TMEM163: variants seen among roughly 807,000 people sequenced by gnomAD.
TMEM163 encodes transmembrane protein 163.
Under a neutral mutation model 29.3 loss-of-function variants are expected in TMEM163, and 17 were observed. The ratio of observed to expected loss-of-function variants is 0.58; its 90% CI spans 0.40 to 0.87. The LOEUF (loss-of-function observed/expected upper bound fraction) is 0.87, where lower values mean the gene tolerates loss of function less well. Ranked by LOEUF, TMEM163 falls within the 40% of genes least tolerant of loss-of-function variation. The probability of loss-of-function intolerance (pLI) is 0.00; values close to 1 mark genes in which losing one functional copy is unlikely to be tolerated. For missense variants in TMEM163, 303 were observed against 381.5 expected (o/e 0.79, Z 1.71); for synonymous variants, 157 against 160.6 (o/e 0.98, Z 0.17).
chr2:134,643,343 A>C (rs1016392570), intron 2 of TMEM163, among the ~76,000 whole-genome samples: 3 of 152,140 alleles, frequency 2.0e-5, no homozygotes, highest in East Asian at 3.9e-4. Context: ...CATAATTTAC[A>C]ATCCTTCTCT....
chr2:134,656,358 T>G (rs1235966380), intron 2 of TMEM163, among the ~76,000 whole-genome samples: 1 of 151,882 alleles, frequency 6.6e-6, no homozygotes, highest in Admixed American at 6.6e-5. Context: ...GGGAACTCCC[T>G]GACCCCTCGC....
chr2:134,500,980 A>C (rs1679684532), intron 5 of TMEM163, among the ~76,000 whole-genome samples: 1 of 152,210 alleles, frequency 6.6e-6, no homozygotes, highest in African/African-American at 2.4e-5. Flanking sequence ...TTATATAGCT[A>C]GGAGAGGGAT....
chr2:134,684,868 A>G (rs1465574923), intron 2 of TMEM163, among the ~76,000 whole-genome samples: 1 of 150,928 alleles, frequency 6.6e-6, no homozygotes, highest in African/African-American at 2.4e-5. Flanking sequence ...GGTTGCAGTG[A>G]GCCAAGATTG....
chr2:134,566,081 A>G (rs558741387), intron 2 of TMEM163, among the ~76,000 whole-genome samples: 4 of 152,302 alleles, frequency 2.6e-5, no homozygotes, highest in Non-Finnish European at 4.4e-5. Context: ...CTGTATGTCT[A>G]TTATACTTCA....
At chr2:134,595,583 C>T (rs1406946093) in intron 2 of TMEM163, among the ~76,000 whole-genome samples, 6 of 152,152 alleles carry the variant, frequency 3.9e-5, no homozygotes, top group Non-Finnish European at 7.3e-5. Flanking sequence ...CATATGTGTG[C>T]GTGTGTCTTT....
Position 134,460,901 on chromosome 2 carries a change from G to A in TMEM163, c.668-2728C>T, listed in dbSNP as rs1316845825. Among the ~76,000 whole-genome samples the A allele has an allele frequency of 6.6e-6, 1 of 152,226 alleles. No homozygotes were observed. The highest frequency in any genetic ancestry group is 2.4e-5 in the African/African-American group (1 of 41,456). On this transcript the variant is annotated intron_variant, in intron 6 of 7. Coordinates refer to ENST00000281924, the MANE Select transcript of TMEM163 (RefSeq NM_030923.5). The surrounding 1 kb of genome is among the most constrained non-coding windows in gnomAD (Gnocchi z 4.3). ...CCTTGCCTGGCTCGGCTCACCTTTT[G>A]TGATGACAGAGCCTGACTCATTTCA...
chr2:134,680,204 G>A (rs1684200100), intron 2 of TMEM163, among the ~76,000 whole-genome samples: 1 of 152,152 alleles, frequency 6.6e-6, no homozygotes, highest in South Asian at 2.1e-4. Context: ...AATCTTAAAT[G>A]AGGTCTTAAG....
At chr2:134,702,066 A>G (rs1399840166) in intron 2 of TMEM163, among the ~76,000 whole-genome samples, 1 of 152,140 alleles carries the variant, frequency 6.6e-6, no homozygotes, top group Non-Finnish European at 1.5e-5. Flanking sequence ...GGGTAGCCCA[A>G]AAAGAAGGAT....
At chr2:134,644,477 T>C (rs1304301427) in intron 2 of TMEM163, among the ~76,000 whole-genome samples, 1 of 152,132 alleles carries the variant, frequency 6.6e-6, no homozygotes, top group Non-Finnish European at 1.5e-5. Context: ...CTTTCACAGA[T>C]ACTAATGCGA....
At chr2:134,574,419 G>T (rs1469933625) in intron 2 of TMEM163, among the ~76,000 whole-genome samples, 1 of 152,018 alleles carries the variant, frequency 6.6e-6, no homozygotes, top group Non-Finnish European at 1.5e-5. Flanking sequence ...AATTAGCCAG[G>T]TACGGTGGCA....
At chr2:134,697,542 G>A (rs893422192) in intron 2 of TMEM163, among the ~76,000 whole-genome samples, 1 of 147,322 alleles carries the variant, frequency 6.8e-6, no homozygotes, top group Middle Eastern at 3.2e-3. Flanking sequence ...TCAGCTGACT[G>A]CAACCTCCGC....
chr2:134,595,369 G>T (rs1025207263), intron 2 of TMEM163, among the ~76,000 whole-genome samples: 2 of 151,972 alleles, frequency 1.3e-5, no homozygotes, highest in Non-Finnish European at 2.9e-5. Context: ...GCAGTGTTTG[G>T]TTTTTTTGTC....
chr2:134,675,154 C>T (rs145699247), intron 2 of TMEM163, among the ~76,000 whole-genome samples: 9 of 152,206 alleles, frequency 5.9e-5, no homozygotes, highest in African/African-American at 2.2e-4. Flanking sequence ...AAAAGAAACA[C>T]ATGAATGTTT....
intron 4 of TMEM163, among the ~76,000 whole-genome samples, chr2:134,518,858 C>T (rs1680133408): frequency 6.6e-6 from 1 of 152,202 alleles, no homozygotes; most frequent in Non-Finnish European, 1.5e-5. Flanking sequence ...CAGTCCCAGG[C>T]AGGGGGTGTT....
At chr2:134,688,232 G>C (rs2104880893) in intron 2 of TMEM163, among the ~76,000 whole-genome samples, 1 of 152,214 alleles carries the variant, frequency 6.6e-6, no homozygotes, top group East Asian at 1.9e-4. Flanking sequence ...CTCGGCCCGA[G>C]CTGCAAGCAT....
chr2:134,532,411 C>T (rs891363417), intron 4 of TMEM163, among the ~76,000 whole-genome samples: 9 of 152,172 alleles, frequency 5.9e-5, no homozygotes, highest in African/African-American at 1.4e-4. Context: ...ACAACAGATG[C>T]GGAAAAATTA....
At chr2:134,611,783 CG>C (rs142710071) in intron 2 of TMEM163, among the ~76,000 whole-genome samples, 2,371 of 152,268 alleles carry the variant, frequency 0.016, 51 homozygotes, top group African/African-American at 0.054. Context: ...AGAAACCACC[CG>C]GAACACCTGC....
At chr2:134,569,740 CAGT>C (rs1441486733) in intron 2 of TMEM163, among the ~76,000 whole-genome samples, 1 of 152,186 alleles carries the variant, frequency 6.6e-6, no homozygotes, top group Admixed American at 6.5e-5. Flanking sequence ...GATCCATATA[CAGT>C]AGTCCCCTTT....
At chr2:134,696,606 C>T (rs1280798809) in intron 2 of TMEM163, among the ~76,000 whole-genome samples, 1 of 151,994 alleles carries the variant, frequency 6.6e-6, no homozygotes, top group African/African-American at 2.4e-5. Context: ...GGAATTATAC[C>T]TATATTAGAT....
Sources: gnomAD v4.1 joint callset for allele counts (sites outside exome capture counted in the v4.1 genomes callset) on GRCh38, gnomAD v4.1.1 for gene constraint, Gnocchi (gnomAD v3.1) non-coding constraint, MANE v1.5 for transcripts, NCBI Gene and HGNC (gene_info 2026-07-23, HGNC 2026-07-21) for gene names.